Variants in CASP5 observed in about 807,000 individuals in gnomAD.
CASP5 encodes the protein caspase-5.
In CASP5, 42 loss-of-function variants were observed where a neutral mutation model predicts 45.2. The ratio of observed to expected loss-of-function variants is 0.93; its 90% CI spans 0.73 to 1.20. CASP5 has a LOEUF of 1.20. CASP5 is among the 50% of genes most tolerant of loss of function. The pLI is 0.00. For missense variants in CASP5, 512 were observed against 532.2 expected (o/e 0.96, Z 0.37); for synonymous variants, 209 against 186.2 (o/e 1.12, Z -1.00).
chr11:105,021,905 C>G (rs1165275139), intron 1 of CASP5, among the ~76,000 whole-genome samples: 3 of 148,836 alleles, frequency 2.0e-5, no homozygotes, highest in Non-Finnish European at 3.0e-5. Context: ...GACTTGGAAC[C>G]AACCCAAATG....
chr11:105,015,315 G>C (rs994186144), intron 1 of CASP5, among the ~76,000 whole-genome samples: 3 of 152,168 alleles, frequency 2.0e-5, no homozygotes, highest in African/African-American at 7.2e-5. Context: ...CAGTCACAGA[G>C]AGTGCAAGAG....
chr11:105,011,108 G>C (rs912213123), intron 1 of CASP5, among the ~76,000 whole-genome samples: 10 of 151,676 alleles, frequency 6.6e-5, no homozygotes, highest in African/African-American at 1.9e-4. Flanking sequence ...AGACAAAAAC[G>C]TTGGTTTTAA....
chr11:104,998,504 G>A (rs518604), intron 7 of CASP5, among the ~76,000 whole-genome samples: 88,000 of 151,830 alleles, frequency 0.58, 25,848 homozygotes, highest in Middle Eastern at 0.79. Context: ...GAAGTTGATC[G>A]TTTGGAAAGA....
At chr11:105,002,881 C>T (rs1435098642) in intron 4 of CASP5, among the ~76,000 whole-genome samples, 2 of 152,184 alleles carry the variant, frequency 1.3e-5, no homozygotes. Context: ...TCACCACCCC[C>T]TCATCATTTA....
In CASP5 at chr11:105,000,243, T is replaced by A; in HGVS notation, c.952+18A>T. ...CATACACCTTCAAAACTGTTAGATGTTCAGCCTCAGCACTCACCACCTCTG... is the reference window on the plus strand; with the variant it reads ...CATACACCTTCAAAACTGTTAGATGATCAGCCTCAGCACTCACCACCTCTG... On this transcript the variant is annotated intron_variant, in intron 6 of 9. Coordinates refer to ENST00000260315, the MANE Select transcript of CASP5 (RefSeq NM_004347.5). 1 of 1,613,254 alleles carries A rather than the reference T, an allele frequency of 6.2e-7. No homozygotes were observed. The highest frequency in any genetic ancestry group is 8.5e-7 in the Non-Finnish European group (1 of 1,179,150).
chr11:105,014,843 A>G lies in CASP5; in HGVS notation c.8-5863T>C, dbSNP rs115683218. ...AAACATTGTAAGAATTTAAATAACG[A>G]GCAGATGCTCAAAAAAAAGCATGAG... is the stretch of plus-strand genomic sequence containing the variant. On this transcript the variant is annotated intron_variant, in intron 1 of 9. Transcript: ENST00000260315. Among the ~76,000 whole-genome samples, 595 of 152,316 alleles carry G rather than the reference A, an allele frequency of 3.9e-3. 8 individuals are homozygous for G. The highest frequency in any genetic ancestry group is 0.014 in the African/African-American group (573 of 41,574).
At chr11:104,994,602 G>T (rs966583344) in intron 9 of CASP5, among the ~76,000 whole-genome samples, 2 of 152,156 alleles carry the variant, frequency 1.3e-5, no homozygotes, top group African/African-American at 4.8e-5. Flanking sequence ...TTTTTTTAAA[G>T]ATTTACCATG....
At chr11:105,019,128 C>T (rs1339617046) in intron 1 of CASP5, among the ~76,000 whole-genome samples, 2 of 150,678 alleles carry the variant, frequency 1.3e-5, no homozygotes, top group Non-Finnish European at 3.0e-5. Context: ...ATACAACATA[C>T]CAGAATCTCT....
intron 3 of CASP5, 133 bp downstream of exon 3, chr11:105,006,950 T>A (rs757815192): frequency 2.2e-5 from 18 of 819,310 alleles, no homozygotes; most frequent in Non-Finnish European, 3.3e-5. Flanking sequence ...TCTAACAGGA[T>A]GATGACATGT....
intron 7 of CASP5, among the ~76,000 whole-genome samples, 155 bp downstream of exon 7, chr11:104,998,730 A>T (rs1472876652): frequency 6.6e-6 from 1 of 152,142 alleles, no homozygotes; most frequent in African/African-American, 2.4e-5. Flanking sequence ...GAAGGAATCT[A>T]TTCTCACAGC....
chr11:105,006,617 C>T, intron 3 of CASP5, among the ~76,000 whole-genome samples: 1 of 152,108 alleles, frequency 6.6e-6, no homozygotes, highest in Non-Finnish European at 1.5e-5. Flanking sequence ...ATGAGAGAGT[C>T]CTGAATGAGA....
intron 1 of CASP5, among the ~76,000 whole-genome samples, chr11:105,021,063 A>G (rs1355799587): frequency 1.3e-5 from 2 of 152,128 alleles, no homozygotes; most frequent in African/African-American, 4.8e-5. Flanking sequence ...TGCGGAAAGG[A>G]TTCCCTATTT....
Position 105,000,345 on chromosome 11 carries a change from T to C in CASP5, c.868A>G (p.Thr290Ala). The C allele has an allele frequency of 6.2e-7, 1 of 1,614,206 alleles. No homozygotes were observed. The highest frequency in any genetic ancestry group is 8.5e-7 in the Non-Finnish European group (1 of 1,180,014). The change falls in exon 6 of 10, where the codon ACC becomes GCC. Residue 290 changes from threonine (T) to alanine (A), a missense_variant. Coordinates refer to ENST00000260315, the MANE Select transcript of CASP5 (RefSeq NM_004347.5). Reference protein sequence around the residue: ...KKKPDVLLYDTIFQIFNNRNC... With the variant: ...KKKPDVLLYDAIFQIFNNRNC... ...CGGTTGTTGAATATCTGGAAGATGG[T>C]GTCATAAAGCAGCACATCCGGTTTT...
At chr11:105,019,721 A>T in intron 1 of CASP5, among the ~76,000 whole-genome samples, 1 of 145,154 alleles carries the variant, frequency 6.9e-6, no homozygotes. Context: ...GAATTCTACC[A>T]GAGGTACAAG....
chr11:105,020,320 G>A (rs1191685336), intron 1 of CASP5, among the ~76,000 whole-genome samples: 1 of 152,016 alleles, frequency 6.6e-6, no homozygotes, highest in Non-Finnish European at 1.5e-5. Context: ...GATCAGGCAG[G>A]AGAAGAAAAT....
intron 1 of CASP5, among the ~76,000 whole-genome samples, chr11:105,018,302 A>T (rs1248821670): frequency 6.6e-6 from 1 of 151,182 alleles, no homozygotes; most frequent in Non-Finnish European, 1.5e-5. Flanking sequence ...ATTCACACAT[A>T]ACAATATTAA....
intron 1 of CASP5, among the ~76,000 whole-genome samples, chr11:105,015,712 C>G (rs1305465974): frequency 6.6e-6 from 1 of 151,440 alleles, no homozygotes; most frequent in East Asian, 1.9e-4. Flanking sequence ...ATTTGACTTA[C>G]TCCTCCCTGG....
chr11:104,994,440 A>G (rs994998114), intron 9 of CASP5, 93 bp from the exon 10 acceptor site: 13 of 152,228 alleles, frequency 8.5e-5, no homozygotes, highest in African/African-American at 2.9e-4. Flanking sequence ...ATCTTCTGCC[A>G]TATGCTTTTG....
At chr11:104,998,823 A>G (rs1861587278) in intron 7 of CASP5, 62 bp downstream of exon 7, 1 of 1,532,406 alleles carries the variant, frequency 6.5e-7, no homozygotes, top group African/African-American at 1.4e-5. Context: ...TTGATTTCAT[A>G]GAATCATTCA....
Sources: allele counts gnomAD v4.1 joint callset (sites outside exome capture counted in the v4.1 genomes callset), GRCh38; gene constraint gnomAD v4.1.1; transcripts MANE v1.5; gene names NCBI Gene and HGNC (gene_info 2026-07-23, HGNC 2026-07-21).